The following CCDC194 variants were observed in gnomAD, a reference collection of about 807,000 sequenced individuals.
The protein encoded by CCDC194 is coiled-coil domain containing 194, also known as coiled-coil domain-containing protein 194.
CCDC194 carries 8 observed loss-of-function variants against 4.9 expected under a neutral mutation model. The observed-to-expected ratio is 1.65, with a 90% CI of 0.97 to 2.97. The LOEUF is 2.97. Ranked by LOEUF, CCDC194 falls within the 30% of genes most tolerant of loss-of-function variation. The pLI, the probability that CCDC194 is intolerant of heterozygous loss-of-function variation, is 0.00. For missense variants in CCDC194, 52 were observed against 43.1 expected, an observed-to-expected ratio of 1.21 and a Z score of -0.58; for synonymous variants, 13 against 17.0, an observed-to-expected ratio of 0.76 and a Z score of 0.58.
downstream of CCDC194, among the ~76,000 whole-genome samples, chr19:17,389,385 C>T (rs574925788): frequency 6.6e-6 from 1 of 152,272 alleles, no homozygotes; most frequent in Non-Finnish European, 1.5e-5. Flanking sequence ...GTCCATATTT[C>T]AATGATTTTT....
At chr19:17,387,241 C>T (rs2074639145), downstream of CCDC194, among the ~76,000 whole-genome samples, 1 of 152,100 alleles carries the variant, frequency 6.6e-6, no homozygotes, top group South Asian at 2.1e-4. Context: ...TAATAAGTGA[C>T]ACATGTGCAT....
chr19:17,392,032 G>A (rs2074656624), intron 1 of CCDC194, 186 bp from the exon 2 acceptor site: 1 of 530,180 alleles, frequency 1.9e-6, no homozygotes, highest in South Asian at 3.3e-5. Context: ...GGCACCGAGT[G>A]GTGACAGCTG....
At chr19:17,389,987 T>C (rs2074648183), downstream of CCDC194, among the ~76,000 whole-genome samples, 1 of 152,074 alleles carries the variant, frequency 6.6e-6, no homozygotes, top group South Asian at 2.1e-4. Context: ...AAAACAAACA[T>C]GTTACTTGGT....
In CCDC194 at chr19:17,391,814, C is replaced by A. The variant is rs1227533819; in HGVS notation, c.357G>T (p.Lys119Asn). Residue 119 changes from lysine to asparagine, a missense_variant, in exon 2 of 4, where the codon AAG (lysine) becomes AAT (asparagine). Lys to Asn is a moderately conservative substitution (Grantham distance 94, BLOSUM62 0). Coordinates refer to ENST00000636079, the Ensembl canonical transcript of CCDC194. ...GTGCCTTGGCTTCGTCCATCTCAATCTTCAGTGTCGTTAGTTGGGTCTGAA... is the reference window on the plus strand; with the variant it reads ...GTGCCTTGGCTTCGTCCATCTCAATATTCAGTGTCGTTAGTTGGGTCTGAA... 7.2e-6 allele frequency: 11 copies of A among 1,535,158 alleles called. No individual in the cohort carries two copies. In the Admixed American group the frequency reaches 7.9e-5, roughly 11 times the overall value.
chr19:17,393,742 G>A lies in CCDC194; in HGVS notation c.324+93C>T, dbSNP rs2074663744. The A allele has an allele frequency of 1.0e-5, 4 of 390,840 alleles. No individual in the cohort carries two copies. In the East Asian group the frequency reaches 1.5e-4, roughly 14 times the overall value. 24.2% of individuals were successfully genotyped at this position (390,840 alleles called of 1,614,324 possible). A position where few individuals can be genotyped will look rare whatever the true frequency, so the allele number is the denominator to read the frequency against. On this transcript the variant is annotated intron_variant, in intron 1 of 3. Transcript: ENST00000636079. ...AATTCGAGGAACTGGGGAAACCGAGGCACAGGGAGGGAACCCTGGAGTTGT... is the reference window on the plus strand; with the variant it reads ...AATTCGAGGAACTGGGGAAACCGAGACACAGGGAGGGAACCCTGGAGTTGT...
intron 3 of CCDC194, 125 bp downstream of exon 3, chr19:17,391,086 G>GC (rs3078449): frequency 1.4e-4 from 49 of 360,658 alleles, no homozygotes; most frequent in East Asian, 8.5e-4. Context: ...AATCAACAAT[G>GC]CCCCCCCCCC....
chr19:17,388,100 A>T (rs927626461), downstream of CCDC194, among the ~76,000 whole-genome samples: 9 of 149,484 alleles, frequency 6.0e-5, no homozygotes, highest in African/African-American at 2.0e-4. Flanking sequence ...GTTAGCCAGG[A>T]TGGTCTCGAT....
exon 2 of CCDC194, chr19:17,391,784 C>T (rs1464185280): frequency 1.3e-6 from 2 of 1,535,566 alleles, no homozygotes; most frequent in East Asian, 2.4e-5. Context: ...CCATCTGGGT[C>T]CCCTGTGCCT....
At chr19:17,391,574 T>C in intron 2 of CCDC194, 176 bp downstream of exon 2, 1 of 1,449,960 alleles carries the variant, frequency 6.9e-7, no homozygotes, top group African/African-American at 1.4e-5. Flanking sequence ...GGCATTTGCC[T>C]TGTTTTTGTG....
chr19:17,388,950 C>T (rs1012108630), downstream of CCDC194, among the ~76,000 whole-genome samples: 4 of 151,994 alleles, frequency 2.6e-5, no homozygotes, highest in Non-Finnish European at 4.4e-5. Context: ...GTGATCCTCC[C>T]GCCTCAGCCT....
chr19:17,389,862 G>A (rs1227693051), downstream of CCDC194, among the ~76,000 whole-genome samples: 1 of 152,202 alleles, frequency 6.6e-6, no homozygotes, highest in Non-Finnish European at 1.5e-5. Context: ...CTACCTGGGA[G>A]GCTGAGGCAG....
At chr19:17,388,629 G>A (rs191893773), downstream of CCDC194, among the ~76,000 whole-genome samples, 326 of 151,666 alleles carry the variant, frequency 2.1e-3, 3 homozygotes, top group Admixed American at 0.018. Context: ...TCAAACACCT[G>A]AGCTCAAGTG....
At chr19:17,391,646 GT>G in intron 2 of CCDC194, 103 bp downstream of exon 2, 1 of 1,533,238 alleles carries the variant, frequency 6.5e-7, no homozygotes. Flanking sequence ...GTTTATATCC[GT>G]GTTATTTGCA....
At chr19:17,394,149 G>T in exon 1 of CCDC194, 1 of 391,916 alleles carries the variant, frequency 2.6e-6, no homozygotes, top group Non-Finnish European at 4.5e-6. Context: ...TCCGGCCCCG[G>T]CTCGGCCATG....
At chr19:17,388,184 CT>C (rs1212553192), downstream of CCDC194, among the ~76,000 whole-genome samples, 3 of 125,614 alleles carry the variant, frequency 2.4e-5, no homozygotes, top group Non-Finnish European at 4.8e-5. Context: ...CCCCCGGGCT[CT>C]TTTTTTCCTT....
In CCDC194 at chr19:17,391,853, A is replaced by C; in HGVS notation, c.325-7T>G. On this transcript the variant is annotated splice_region_variant and splice_polypyrimidine_tract_variant and intron_variant, in intron 1 of 3. Transcript: ENST00000636079. ...GTTGGGTCTGAAGCCGGCTCTGAGG[A>C]GTGGAGGGGAAGTGGGAGGGGGTGT... 8.6e-6 allele frequency: 13 copies of C among 1,508,798 alleles called. No homozygotes were observed. The highest frequency in any genetic ancestry group is 1.4e-5 in the African/African-American group (1 of 71,882). 93.5% of individuals were successfully genotyped at this position (1,508,798 alleles called of 1,614,324 possible).
chr19:17,390,925 C>A lies in CCDC194; in HGVS notation c.555-266G>T, dbSNP rs1266034522. ...CCTCGATACTCCCTTTTCCTTGCTC[C>A]CTTCTCTTCCGTTCCCCGTCCCTCT... On this transcript the variant is annotated intron_variant, in intron 3 of 3. Coordinates refer to ENST00000636079, the Ensembl canonical transcript of CCDC194. The surrounding 1 kb of genome is among the most constrained non-coding windows in gnomAD (Gnocchi z 5.5). Among the ~76,000 whole-genome samples the A allele has an allele frequency of 6.6e-6, 1 of 152,044 alleles. No individual in the cohort carries two copies. The highest frequency in any genetic ancestry group is 6.6e-5 in the Admixed American group (1 of 15,246).
At chr19:17,394,162 G>C (rs567638177), upstream of CCDC194, 18 of 391,340 alleles carry the variant, frequency 4.6e-5, no homozygotes, top group Middle Eastern at 2.6e-3. Context: ...CGGCCATGCC[G>C]CGGTCCACAG....
At chr19:17,391,484 C>T (rs2074654618) in intron 2 of CCDC194, 141 bp from the exon 3 acceptor site, 1 of 689,588 alleles carries the variant, frequency 1.5e-6, no homozygotes. Flanking sequence ...CATTGCATGG[C>T]TTCCACGTGC....
Sources: gnomAD v4.1 joint callset for allele counts (sites outside exome capture counted in the v4.1 genomes callset) on GRCh38, gnomAD v4.1.1 for gene constraint, Gnocchi (gnomAD v3.1) non-coding constraint, MANE v1.5 for transcripts, NCBI Gene and HGNC (gene_info 2026-07-23, HGNC 2026-07-21) for gene names.